Variants in C12orf42 observed in about 807,000 individuals in gnomAD.
The protein encoded by C12orf42 is uncharacterized protein C12orf42.
A neutral mutation model predicts 21.6 loss-of-function variants in C12orf42; 25 were observed. The ratio of observed to expected loss-of-function variants is 1.16; its 90% CI spans 0.84 to 1.62. The LOEUF (loss-of-function observed/expected upper bound fraction) is 1.62, where lower values mean the gene tolerates loss of function less well. C12orf42 is among the 40% of genes most tolerant of loss of function. The pLI, the probability that C12orf42 is intolerant of heterozygous loss-of-function variation, is 0.00. For synonymous variants in C12orf42, 174 were observed against 175.0 expected, an observed-to-expected ratio of 0.99 and a Z score of 0.05; for missense variants, 483 against 459.3, an observed-to-expected ratio of 1.05 and a Z score of -0.47.
the C12orf42 span, chr12:103,167,888 GTGTGTGTGTGTGTGTGTGTGTGTGTT>G: frequency 3.6e-6 from 1 of 278,032 alleles, no homozygotes; most frequent in Non-Finnish European, 6.9e-6. Context: ...GCGTGTGTGT[GTGTGTGTGTGTGTGTGTGTGTGTGTT>G]TGTGTCTGTG....
At chr12:103,410,795 G>A (rs2048781762) in intron 2 of C12orf42, among the ~76,000 whole-genome samples, 1 of 152,192 alleles carries the variant, frequency 6.6e-6, no homozygotes, top group African/African-American at 2.4e-5. Flanking sequence ...CAGATTAAAA[G>A]TAGAAGACTC....
At chr12:103,355,285 C>T (rs1406568653) in intron 4 of C12orf42, among the ~76,000 whole-genome samples, 1 of 152,056 alleles carries the variant, frequency 6.6e-6, no homozygotes, top group Non-Finnish European at 1.5e-5. Flanking sequence ...ATATGGATCT[C>T]TGAAGAGCGT....
chr12:103,461,037 C>A (rs1952666125), intron 2 of C12orf42, among the ~76,000 whole-genome samples: 1 of 152,040 alleles, frequency 6.6e-6, no homozygotes, highest in African/African-American at 2.4e-5. Flanking sequence ...TGTCTGTGGG[C>A]TTTATGACAG....
At chr12:103,080,018 C>T in the C12orf42 span, among the ~76,000 whole-genome samples, 122 of 152,184 alleles carry the variant, frequency 8.0e-4, 1 homozygote, top group South Asian at 1.7e-3. Flanking sequence ...GTAGAGTTGG[C>T]CTCCTACCAC....
intron 2 of C12orf42, among the ~76,000 whole-genome samples, chr12:103,426,359 C>G (rs545917077): frequency 2.0e-5 from 3 of 152,218 alleles, no homozygotes; most frequent in African/African-American, 7.2e-5. Flanking sequence ...GAAACAATCT[C>G]AGAGGTAGAA....
At chr12:103,234,562 C>G (rs1197679369), downstream of C12orf42, among the ~76,000 whole-genome samples, 2 of 152,170 alleles carry the variant, frequency 1.3e-5, no homozygotes, top group Non-Finnish European at 2.9e-5. Context: ...GCCTAGTGTA[C>G]TGGGGGATCA....
the C12orf42 span, among the ~76,000 whole-genome samples, chr12:103,130,499 G>A: frequency 4.6e-5 from 7 of 152,114 alleles, no homozygotes; most frequent in East Asian, 3.8e-4. Context: ...ATCTCAGGCT[G>A]AAAGTGAAGA....
chr12:103,263,483 T>C (rs2035011873), intron 9 of C12orf42: 1 of 152,106 alleles, frequency 6.6e-6, no homozygotes, highest in African/African-American at 2.4e-5. Flanking sequence ...TTATCTTTCC[T>C]ATCTGAACTT....
chr12:103,265,168 C>T (rs758861267), downstream of C12orf42, among the ~76,000 whole-genome samples: 1 of 152,096 alleles, frequency 6.6e-6, no homozygotes, highest in Non-Finnish European at 1.5e-5. Context: ...GGGCTCCACC[C>T]TCATGAACTA....
intron 4 of C12orf42, among the ~76,000 whole-genome samples, chr12:103,281,363 G>A (rs1344334085): frequency 6.6e-6 from 1 of 151,988 alleles, no homozygotes; most frequent in Non-Finnish European, 1.5e-5. Flanking sequence ...TCATCCTGAC[G>A]TGTTTGTTGT....
At chr12:103,240,373 C>T (rs1830556560) in intron 10 of C12orf42, among the ~76,000 whole-genome samples, 1 of 152,126 alleles carries the variant, frequency 6.6e-6, no homozygotes, top group Non-Finnish European at 1.5e-5. Context: ...ATTGTCATCA[C>T]CCTTAGTAAA....
intron 2 of C12orf42, 50 bp downstream of exon 2, chr12:103,478,299 A>G: frequency 1.6e-6 from 2 of 1,212,968 alleles, no homozygotes; most frequent in South Asian, 1.4e-5. Flanking sequence ...AATGGAGCAA[A>G]CCTATTAACC....
the C12orf42 span, among the ~76,000 whole-genome samples, chr12:103,129,716 G>T: frequency 2.0e-5 from 3 of 152,114 alleles, no homozygotes; most frequent in African/African-American, 7.2e-5. Flanking sequence ...ACATTGGAGG[G>T]CATTCTAGCC....
At chr12:103,186,614 C>A in the C12orf42 span, among the ~76,000 whole-genome samples, 3 of 151,664 alleles carry the variant, frequency 2.0e-5, no homozygotes, top group East Asian at 1.9e-4. Flanking sequence ...TAATTGGCTA[C>A]TATGGATGTG....
intron 4 of C12orf42, among the ~76,000 whole-genome samples, chr12:103,294,470 G>GAAAGAAAGAAAGAAAT (rs1566025463): frequency 2.9e-5 from 3 of 101,890 alleles, no homozygotes; most frequent in Non-Finnish European, 5.8e-5. Flanking sequence ...AAGAAAGAAA[G>GAAAGAAAGAAAGAAAT]AAATAAGCAA....
At chr12:103,069,432 G>A in the C12orf42 span, among the ~76,000 whole-genome samples, 1 of 152,014 alleles carries the variant, frequency 6.6e-6, no homozygotes, top group African/African-American at 2.4e-5. Flanking sequence ...GCTTAGCCTA[G>A]TCTACCTTAA....
intron 10 of C12orf42, among the ~76,000 whole-genome samples, chr12:103,249,985 C>G (rs1288059033): frequency 6.6e-6 from 1 of 152,036 alleles, no homozygotes; most frequent in African/African-American, 2.4e-5. Flanking sequence ...TGTAGAACAT[C>G]AGTTTCTGCA....
the C12orf42 span, among the ~76,000 whole-genome samples, chr12:103,145,568 A>G: frequency 2.6e-5 from 4 of 152,354 alleles, no homozygotes; most frequent in East Asian, 1.9e-4. Flanking sequence ...ATTTGACATT[A>G]CGTATCAAAA....
At chr12:103,313,193 A>G (rs1270427574) in intron 4 of C12orf42, among the ~76,000 whole-genome samples, 1 of 152,214 alleles carries the variant, frequency 6.6e-6, no homozygotes, top group African/African-American at 2.4e-5. Context: ...GAGAGCCTGA[A>G]GCTAATCGAT....
Sources: gnomAD v4.1 joint callset for allele counts (sites outside exome capture counted in the v4.1 genomes callset) on GRCh38, gnomAD v4.1.1 for gene constraint, MANE v1.5 for transcripts, NCBI Gene and HGNC (gene_info 2026-07-23, HGNC 2026-07-21) for gene names.